PIK3R6: variants seen among roughly 807,000 people sequenced by gnomAD.
PIK3R6 encodes phosphoinositide 3-kinase regulatory subunit 6.
PIK3R6 carries 91 observed loss-of-function variants against 84.9 expected under a neutral mutation model. The observed-to-expected ratio is 1.07, with a 90% CI of 0.90 to 1.28. The LOEUF (loss-of-function observed/expected upper bound fraction) is 1.28. PIK3R6 is among the 50% of genes most tolerant of loss of function. The pLI, the probability that PIK3R6 is intolerant of heterozygous loss-of-function variation, is 0.00. For missense variants in PIK3R6, 996 were observed against 985.1 expected, an observed-to-expected ratio of 1.01 and a Z score of -0.15; for synonymous variants, 416 against 411.4, an observed-to-expected ratio of 1.01 and a Z score of -0.13.
chr17:8,828,723 C>T lies in PIK3R6; in HGVS notation c.1157G>A (p.Ser386Asn). 1 of 1,609,264 alleles carries T rather than the reference C, an allele frequency of 6.2e-7. No individual in the cohort carries two copies. The highest frequency in any genetic ancestry group is 1.1e-5 in the South Asian group (1 of 90,368). ...GTGCAGCCCTGGGGGCCCGTCCCAGCTGCCAGGCATCAAGAAGTCCAGGGG... is the reference window on the plus strand; with the variant it reads ...GTGCAGCCCTGGGGGCCCGTCCCAGTTGCCAGGCATCAAGAAGTCCAGGGG... ...AWPLDFLMPG[S>N]WDGPPGLHRR... Residue 386 changes from serine to asparagine, a missense_variant, in exon 11 of 20, where the codon AGC becomes AAC. By Grantham distance (46) the Ser-to-Asn change is conservative. Transcript: ENST00000619866.
chr17:8,819,947 A>G (rs1345167097), intron 17 of PIK3R6, among the ~76,000 whole-genome samples: 1 of 122,568 alleles, frequency 8.2e-6, no homozygotes, highest in East Asian at 2.4e-4. Context: ...ATTTTTATAT[A>G]TATATATATT....
chr17:8,816,814 T>G (rs2087558314), intron 18 of PIK3R6, among the ~76,000 whole-genome samples: 1 of 152,182 alleles, frequency 6.6e-6, no homozygotes, highest in South Asian at 2.1e-4. Flanking sequence ...TACAATCAGA[T>G]TGGAACTTGG....
chr17:8,828,047 C>CA, intron 12 of PIK3R6, 65 bp downstream of exon 12: 1 of 1,507,508 alleles, frequency 6.6e-7, no homozygotes, highest in Non-Finnish European at 9.2e-7. Context: ...TGCGGGGCTG[C>CA]AGGTGTGTCC....
At chr17:8,822,558 A>T in intron 16 of PIK3R6, 29 bp downstream of exon 16, 1 of 1,611,592 alleles carries the variant, frequency 6.2e-7, no homozygotes, top group Non-Finnish European at 8.5e-7. Context: ...CCTCTTGGCT[A>T]CCTACTGACC....
At chr17:8,830,275 A>G (rs1430812929) in intron 9 of PIK3R6, among the ~76,000 whole-genome samples, 1 of 152,150 alleles carries the variant, frequency 6.6e-6, no homozygotes, top group African/African-American at 2.4e-5. Context: ...ACTCATCAAC[A>G]AAGTTTGGGG....
At chr17:8,828,026 G>T (rs1433068439) in intron 12 of PIK3R6, 86 bp downstream of exon 12, 2 of 1,371,510 alleles carry the variant, frequency 1.5e-6, no homozygotes, top group Non-Finnish European at 2.1e-6. Flanking sequence ...CTGAGCCGGG[G>T]ATGTGGGGGA....
chr17:8,852,189 T>C (rs2088987036), intron 1 of PIK3R6, among the ~76,000 whole-genome samples: 1 of 152,190 alleles, frequency 6.6e-6, no homozygotes, highest in Non-Finnish European at 1.5e-5. Flanking sequence ...ATGAGAAGGT[T>C]CTGGAAATGG....
At position 8,832,946 on chromosome 17, in the gene PIK3R6, C is replaced by G. The variant is rs754376115; in HGVS notation, c.745G>C (p.Glu249Gln). 6.2e-7 allele frequency: 1 copy of G among 1,612,998 alleles called. No homozygotes were observed. The highest frequency in any genetic ancestry group is 1.7e-5 in the Admixed American group (1 of 60,018). The change falls in exon 9 of 20, where the codon GAG (glutamate) becomes CAG (glutamine). Residue 249 changes from glutamate (E) to glutamine (Q), a missense_variant. Coordinates refer to ENST00000619866, the MANE Select transcript of PIK3R6 (RefSeq NM_001010855.4). ...GAGCAGTAAATCTCCTCCAGCCTCT[C>G]TACGTGTCCCTCCCGGCTCGGGCTG... The part of the protein sequence containing the change: ...EASPSREGHV[E>Q]RLEEIYCSLL...
chr17:8,843,448 TG>T (rs1484333075), intron 2 of PIK3R6, among the ~76,000 whole-genome samples: 4 of 152,254 alleles, frequency 2.6e-5, no homozygotes, highest in East Asian at 1.9e-4. Flanking sequence ...CTTCTGAGCT[TG>T]GGTCCCCTTG....
chr17:8,859,593 C>T (rs1167031073), intron 1 of PIK3R6, among the ~76,000 whole-genome samples: 1 of 152,140 alleles, frequency 6.6e-6, no homozygotes. Context: ...TGCCCTCAGC[C>T]ATGTGGGTGG....
chr17:8,805,186 T>C (rs1275973154), intron 18 of PIK3R6, among the ~76,000 whole-genome samples: 1 of 152,242 alleles, frequency 6.6e-6, no homozygotes, highest in Non-Finnish European at 1.5e-5. Context: ...GCCCAGGCTC[T>C]AATCCCGGTT....
At chr17:8,840,308 G>A (rs2088632711) in intron 2 of PIK3R6, among the ~76,000 whole-genome samples, 1 of 137,134 alleles carries the variant, frequency 7.3e-6, no homozygotes. Context: ...ATATGTATAT[G>A]AAATATATAT....
chr17:8,840,680 A>T (rs1040332778), intron 2 of PIK3R6, among the ~76,000 whole-genome samples: 34 of 147,474 alleles, frequency 2.3e-4, no homozygotes, highest in African/African-American at 8.2e-4. Context: ...TATATATATA[A>T]AATATATATA....
Position 8,829,723 on chromosome 17 carries a change from G to T in PIK3R6, c.872C>A (p.Thr291Asn), listed in dbSNP as rs755112331. ...GCACGTACAGAGCTGCTCCTCACCG[G>T]TCCACAAGTGGAAGGTGATGTAGGG... ...PSPYITFHLW[T>N]GEEQLWKELV... Residue 291 changes from threonine (T) to asparagine (N), a missense_variant, in exon 10 of 20, where the codon ACC becomes AAC. Physicochemically the swap from Thr to Asn is moderately conservative, Grantham distance 65. Coordinates refer to ENST00000619866, the MANE Select transcript of PIK3R6 (RefSeq NM_001010855.4). 2 of 1,553,180 alleles carry T rather than the reference G, an allele frequency of 1.3e-6. No individual in the cohort carries two copies.
intron 13 of PIK3R6, among the ~76,000 whole-genome samples, chr17:8,826,940 G>T (rs2087937603): frequency 6.6e-6 from 1 of 152,172 alleles, no homozygotes; most frequent in African/African-American, 2.4e-5. Context: ...AGCCTGGTAA[G>T]TGTCCCGAGT....
rs1257566599 is a variant in PIK3R6, at chr17:8,835,434, C to G, written c.484G>C (p.Glu162Gln). The stretch of plus-strand genomic sequence containing the variant: ...CTGCACACAGACGCAGACACCAGCT[C>G]AGGATCCACGAAGAGGAACACTCTG... The part of the protein sequence containing the change: ...QERVFLFVDP[E>Q]LVSASVCSAL... The change falls in exon 8 of 20, where the codon GAG (glutamate) becomes CAG (glutamine). Residue 162 changes from glutamate (E) to glutamine (Q), a missense_variant. Transcript: ENST00000619866. The G allele has an allele frequency of 1.9e-6, 3 of 1,575,046 alleles. No homozygotes were observed. Among genetic ancestry groups the G allele is most frequent in the African/African-American group, 2.7e-5 (2 of 74,164 alleles).
intron 18 of PIK3R6, among the ~76,000 whole-genome samples, chr17:8,804,751 G>A (rs1032306084): frequency 6.6e-6 from 1 of 152,118 alleles, no homozygotes; most frequent in African/African-American, 2.4e-5. Flanking sequence ...TGGGTTCCAG[G>A]TGGAGCTTTC....
chr17:8,815,030 G>T (rs2151189895), intron 18 of PIK3R6, among the ~76,000 whole-genome samples: 1 of 152,234 alleles, frequency 6.6e-6, no homozygotes, highest in East Asian at 1.9e-4. Flanking sequence ...AAGAAATCCA[G>T]ACAGAATCGA....
At chr17:8,866,147 T>C (rs11653216) in intron 1 of PIK3R6, among the ~76,000 whole-genome samples, 40,908 of 151,950 alleles carry the variant, frequency 0.27, 6,034 homozygotes, top group Non-Finnish European at 0.32. Flanking sequence ...TGCCTCAGTT[T>C]CCCTATCTTA....
Sources: allele counts gnomAD v4.1 joint callset (sites outside exome capture counted in the v4.1 genomes callset), GRCh38; gene constraint gnomAD v4.1.1; transcripts MANE v1.5; gene names NCBI Gene and HGNC (gene_info 2026-07-23, HGNC 2026-07-21).